The following CNTNAP2 variants were observed in gnomAD, a reference collection of about 807,000 sequenced individuals.
CNTNAP2 encodes contactin-associated protein-like 2.
Under a neutral mutation model 155.2 loss-of-function variants are expected in CNTNAP2, and 98 were observed. The observed-to-expected ratio is 0.63, with a 90% CI of 0.54 to 0.75. The LOEUF is 0.75. Ranked by LOEUF, CNTNAP2 falls within the 30% of genes least tolerant of loss-of-function variation. CNTNAP2 has a pLI of 0.00. For synonymous variants in CNTNAP2, 651 were observed against 631.2 expected (o/e 1.03, Z -0.47); for missense variants, 1,727 against 1,688.1 (o/e 1.02, Z -0.40).
At chr7:148,202,357 A>G (rs906168883) in intron 18 of CNTNAP2, among the ~76,000 whole-genome samples, 16 of 152,208 alleles carry the variant, frequency 1.1e-4, no homozygotes, top group Non-Finnish European at 2.1e-4. Flanking sequence ...TGGGGAAAAA[A>G]TACATACATA....
intron 3 of CNTNAP2, among the ~76,000 whole-genome samples, chr7:146,934,890 T>C (rs1452970667): frequency 6.6e-6 from 1 of 152,200 alleles, no homozygotes; most frequent in Non-Finnish European, 1.5e-5. Flanking sequence ...ATGTAAACAG[T>C]GACCATGACC....
intron 13 of CNTNAP2, among the ~76,000 whole-genome samples, chr7:147,902,096 A>G (rs565869129): frequency 1.6e-4 from 25 of 152,300 alleles, no homozygotes; most frequent in African/African-American, 6.0e-4. Flanking sequence ...GTGTAGAATC[A>G]GTTCATGGCC....
At chr7:147,998,347 G>A (rs1335230442) in intron 15 of CNTNAP2, among the ~76,000 whole-genome samples, 1 of 151,988 alleles carries the variant, frequency 6.6e-6, no homozygotes, top group African/African-American at 2.4e-5. Context: ...TCCTGACCTG[G>A]TGATCCGCCC....
Position 147,311,779 on chromosome 7 carries a change from G to C in CNTNAP2, c.1498+11489G>C, listed in dbSNP as rs560098408. ...CTCTATGACAGAACAAGTAGGTAGA[G>C]GAGATGAATTTAGCATACTTACTTT... On this transcript the variant is annotated intron_variant, in intron 9 of 23. Coordinates refer to ENST00000361727, the MANE Select transcript of CNTNAP2 (RefSeq NM_014141.6). 2.6e-5 allele frequency among the ~76,000 whole-genome samples: 4 copies of C among 152,216 alleles called. No individual in the cohort carries two copies. The South Asian group carries it at 8.3e-4, about 32-fold the overall frequency.
intron 16 of CNTNAP2, among the ~76,000 whole-genome samples, chr7:148,134,762 T>C (rs191342256): frequency 7.2e-5 from 11 of 152,310 alleles, no homozygotes; most frequent in African/African-American, 2.6e-4. Flanking sequence ...AATTATCAGA[T>C]TGTAACTTTA....
chr7:146,982,884 T>A (rs1236617637), intron 3 of CNTNAP2, among the ~76,000 whole-genome samples: 1 of 152,180 alleles, frequency 6.6e-6, no homozygotes, highest in Non-Finnish European at 1.5e-5. Flanking sequence ...TTTAAATTTA[T>A]ATGTTTGATA....
intron 8 of CNTNAP2, among the ~76,000 whole-genome samples, chr7:147,141,640 T>C (rs1193037444): frequency 2.6e-5 from 4 of 152,098 alleles, no homozygotes; most frequent in Admixed American, 1.3e-4. Context: ...CCCAGAGCAT[T>C]TGAGTCTAAA....
At chr7:146,908,048 CAAAG>C (rs770183793) in intron 3 of CNTNAP2, among the ~76,000 whole-genome samples, 2 of 152,006 alleles carry the variant, frequency 1.3e-5, no homozygotes, top group East Asian at 1.9e-4. Context: ...TCAAAAGAGA[CAAAG>C]AAGGCCATTA....
chr7:147,963,558 A>T (rs2116845877), intron 14 of CNTNAP2, among the ~76,000 whole-genome samples: 1 of 152,278 alleles, frequency 6.6e-6, no homozygotes, highest in East Asian at 1.9e-4. Context: ...GTAAACAGTC[A>T]CGTTGAGGAA....
intron 9 of CNTNAP2, 105 bp downstream of exon 9, chr7:147,300,395 G>A: frequency 7.8e-7 from 1 of 1,274,950 alleles, no homozygotes; most frequent in Non-Finnish European, 1.1e-6. Flanking sequence ...TGACTCAGTA[G>A]ATCTCATGAC....
chr7:148,149,353 A>G (rs1805254319), intron 17 of CNTNAP2, among the ~76,000 whole-genome samples: 1 of 152,210 alleles, frequency 6.6e-6, no homozygotes, highest in Admixed American at 6.5e-5. Context: ...GAAAAGAGCA[A>G]GGGCCTGAGA....
intron 12 of CNTNAP2, among the ~76,000 whole-genome samples, chr7:147,562,514 A>T (rs987915618): frequency 6.6e-6 from 1 of 152,206 alleles, no homozygotes; most frequent in African/African-American, 2.4e-5. Context: ...TGTAGGGGGA[A>T]AAAAACAGAA....
chr7:147,194,439 A>G (rs1025725500), intron 8 of CNTNAP2, among the ~76,000 whole-genome samples: 2 of 152,126 alleles, frequency 1.3e-5, no homozygotes, highest in Non-Finnish European at 1.5e-5. Context: ...TCTTTTGGGT[A>G]TATACAAAGT....
At chr7:146,236,000 C>T (rs971686596) in intron 1 of CNTNAP2, among the ~76,000 whole-genome samples, 2 of 150,728 alleles carry the variant, frequency 1.3e-5, no homozygotes, top group African/African-American at 2.4e-5. Flanking sequence ...TTGTAAAATG[C>T]CATTATCCCT....
At position 147,778,844 on chromosome 7, in the gene CNTNAP2, C is replaced by A. The variant is rs896486000; in HGVS notation, c.2099-124721C>A. On this transcript the variant is annotated intron_variant, in intron 13 of 23. Coordinates refer to ENST00000361727, the MANE Select transcript of CNTNAP2 (RefSeq NM_014141.6). ...AAGAAATTTTATGAAATCAAAGGAG[C>A]TGCTATATCTTTTTCTTTTGTAACA... 2.6e-5 allele frequency among the ~76,000 whole-genome samples: 4 copies of A among 152,224 alleles called. No homozygotes were observed. The East Asian group carries it at 7.7e-4, about 29-fold the overall frequency.
chr7:147,708,734 G>A (rs1796355940), intron 13 of CNTNAP2, among the ~76,000 whole-genome samples: 1 of 152,096 alleles, frequency 6.6e-6, no homozygotes, highest in African/African-American at 2.4e-5. Context: ...TAGCCAAGCA[G>A]GCAGCCTCAC....
chr7:147,769,731 T>G lies in CNTNAP2; in HGVS notation c.2098+130425T>G, dbSNP rs188171895. Among the ~76,000 whole-genome samples the G allele has an allele frequency of 2.6e-5, 4 of 152,290 alleles. No homozygotes were observed. The East Asian group carries it at 7.7e-4, about 29-fold the overall frequency. On this transcript the variant is annotated intron_variant, in intron 13 of 23. Coordinates refer to ENST00000361727, the MANE Select transcript of CNTNAP2 (RefSeq NM_014141.6). ...GCTTGTATTAACATTTTTGTTTGCA[T>G]AATCTGACTTGGGCAAGATATGTAT...
intron 12 of CNTNAP2, among the ~76,000 whole-genome samples, chr7:147,615,631 T>C (rs1801275824): frequency 6.6e-6 from 1 of 152,100 alleles, no homozygotes; most frequent in African/African-American, 2.4e-5. Flanking sequence ...ACAAATACAT[T>C]GTAATGATTG....
chr7:147,393,612 G>T lies in CNTNAP2; in HGVS notation c.1499-1997G>T, dbSNP rs566998057. 4.6e-5 allele frequency among the ~76,000 whole-genome samples: 7 copies of T among 151,816 alleles called. 1 individual carries two copies. The South Asian group carries it at 1.0e-3, about 22-fold the overall frequency. ...TCAATTTTATCTTGATTAAACAATT[G>T]AAAATCATGTGTGCACGCAACTGGT... On this transcript the variant is annotated intron_variant, in intron 9 of 23. Coordinates refer to ENST00000361727, the MANE Select transcript of CNTNAP2 (RefSeq NM_014141.6).
Sources: allele counts gnomAD v4.1 joint callset (sites outside exome capture counted in the v4.1 genomes callset), GRCh38; gene constraint gnomAD v4.1.1; transcripts MANE v1.5; gene names NCBI Gene and HGNC (gene_info 2026-07-23, HGNC 2026-07-21).